Variants in MYO9A observed in about 807,000 individuals in gnomAD.
The protein encoded by MYO9A is unconventional myosin-IXa.
In MYO9A, 103 loss-of-function variants were observed where a neutral mutation model predicts 293.3. The ratio of observed to expected loss-of-function variants is 0.35; its 90% CI spans 0.30 to 0.41. The LOEUF is 0.41. Ranked by LOEUF, MYO9A falls within the 10% of genes least tolerant of loss-of-function variation. MYO9A has a pLI of 1.00. For synonymous variants in MYO9A, 1,001 were observed against 1,035.7 expected, an observed-to-expected ratio of 0.97 and a Z score of 0.64; for missense variants, 2,685 against 3,033.0, an observed-to-expected ratio of 0.89 and a Z score of 2.69.
At chr15:71,971,785 A>G (rs2076017947) in intron 12 of MYO9A, among the ~76,000 whole-genome samples, 1 of 150,136 alleles carries the variant, frequency 6.7e-6, no homozygotes, top group South Asian at 2.1e-4. Flanking sequence ...GTGATATTAT[A>G]AATAAATAAA....
chr15:72,075,430 A>G (rs910039369), intron 1 of MYO9A, among the ~76,000 whole-genome samples: 155 of 152,076 alleles, frequency 1.0e-3, no homozygotes, highest in African/African-American at 3.6e-3. Context: ...AAAATATATG[A>G]TATTATTATG....
intron 1 of MYO9A, among the ~76,000 whole-genome samples, chr15:72,087,851 G>A (rs1188151431): frequency 1.3e-5 from 2 of 151,980 alleles, no homozygotes; most frequent in African/African-American, 2.4e-5. Flanking sequence ...TACTACTGTC[G>A]TTATGTACTG....
At chr15:71,992,607 T>A (rs1370986830) in intron 10 of MYO9A, among the ~76,000 whole-genome samples, 2 of 152,106 alleles carry the variant, frequency 1.3e-5, no homozygotes, top group African/African-American at 4.8e-5. Context: ...ACCTGAAGCA[T>A]GAAAAATTAA....
chr15:71,958,180 C>A (rs1310699432), intron 14 of MYO9A, among the ~76,000 whole-genome samples: 1 of 152,234 alleles, frequency 6.6e-6, no homozygotes, highest in East Asian at 1.9e-4. Context: ...ACCTTTTCTG[C>A]CTTTCATATT....
At chr15:72,100,088 A>C (rs1327156076) in intron 1 of MYO9A, among the ~76,000 whole-genome samples, 1 of 152,020 alleles carries the variant, frequency 6.6e-6, no homozygotes, top group Non-Finnish European at 1.5e-5. Context: ...ATCTCTAAAA[A>C]AATAGAAAAA....
rs1441236424 is a variant in MYO9A at position 71,886,003 on chromosome 15, A to G, written c.5255+2001T>C. On this transcript the variant is annotated intron_variant, in intron 27 of 41. Transcript: ENST00000356056. ...TCTCTTTCATGCACCATTTGGTTTC[A>G]TGAATACAATTGTATTTGTTATGCA... is the stretch of plus-strand genomic sequence containing the variant. Among the ~76,000 whole-genome samples, 3 of 151,954 alleles carry G rather than the reference A, an allele frequency of 2.0e-5. 1 individual carries two copies. The highest frequency in any genetic ancestry group is 4.4e-5 in the Non-Finnish European group (3 of 67,974).
chr15:72,022,505 G>T (rs2077532510), intron 4 of MYO9A, among the ~76,000 whole-genome samples: 1 of 151,440 alleles, frequency 6.6e-6, no homozygotes, highest in Non-Finnish European at 1.5e-5. Context: ...TGGTGACAAG[G>T]CGAGACTCTG....
chr15:72,098,568 G>C (rs778168309), intron 1 of MYO9A, among the ~76,000 whole-genome samples: 5 of 151,998 alleles, frequency 3.3e-5, no homozygotes, highest in African/African-American at 1.2e-4. Flanking sequence ...TACTTCATGG[G>C]AAAATGTATA....
intron 11 of MYO9A, among the ~76,000 whole-genome samples, chr15:71,984,538 T>G (rs564644222): frequency 6.6e-6 from 1 of 152,338 alleles, no homozygotes; most frequent in East Asian, 1.9e-4. Flanking sequence ...TTCTAACTTA[T>G]TCTACGTCTC....
intron 1 of MYO9A, among the ~76,000 whole-genome samples, chr15:72,115,548 C>T (rs1300638250): frequency 6.6e-6 from 1 of 152,192 alleles, no homozygotes; most frequent in Non-Finnish European, 1.5e-5. Flanking sequence ...TCCGAATATC[C>T]AAGTTCAGAT....
intron 32 of MYO9A, among the ~76,000 whole-genome samples, chr15:71,873,103 G>A (rs1481956818): frequency 2.0e-5 from 3 of 151,892 alleles, no homozygotes; most frequent in Non-Finnish European, 2.9e-5. Context: ...TTTTAGTAGA[G>A]ATGGGGTTTC....
chr15:71,875,360 AGTGTGATTGTATATATT>A (rs1483430605), intron 32 of MYO9A, among the ~76,000 whole-genome samples: 11 of 152,110 alleles, frequency 7.2e-5, no homozygotes, highest in Admixed American at 2.6e-4. Flanking sequence ...AGCGTGAAAA[AGTGTGATTGTATATATT>A]GTGTGATTGT....
At chr15:72,053,781 C>T (rs1277066157) in intron 1 of MYO9A, among the ~76,000 whole-genome samples, 1 of 152,168 alleles carries the variant, frequency 6.6e-6, no homozygotes, top group African/African-American at 2.4e-5. Context: ...AAGAACCAAC[C>T]TGTACATGTA....
intron 19 of MYO9A, among the ~76,000 whole-genome samples, chr15:71,910,051 T>C (rs1044802520): frequency 2.0e-5 from 3 of 149,592 alleles, no homozygotes; most frequent in African/African-American, 7.3e-5. Context: ...AAGGAAGACA[T>C]TGTTGTAACT....
chr15:72,013,412 G>A lies in MYO9A; in HGVS notation c.1156-2965C>T, dbSNP rs142931147. 1.8e-4 allele frequency among the ~76,000 whole-genome samples: 28 copies of A among 152,300 alleles called. No individual in the cohort carries two copies. The East Asian group carries it at 5.4e-3, about 29-fold the overall frequency. On this transcript the variant is annotated intron_variant, in intron 6 of 41. Coordinates refer to ENST00000356056, the MANE Select transcript of MYO9A (RefSeq NM_006901.4). ...TTCTGGAAAAAGCCTTCAGGCCCCA[G>A]GATCCAAATACTGGTCAGCCAGAGT...
At chr15:72,011,346 T>C (rs1596375070) in intron 6 of MYO9A, among the ~76,000 whole-genome samples, 1 of 150,728 alleles carries the variant, frequency 6.6e-6, no homozygotes, top group East Asian at 1.9e-4. Flanking sequence ...CATATATAAT[T>C]ATTTATATAT....
chr15:71,899,822 T>C lies in MYO9A; in HGVS notation c.3335A>G (p.Tyr1112Cys), dbSNP rs150376690. 63 of 1,614,052 alleles carry C rather than the reference T, an allele frequency of 3.9e-5. No individual in the cohort carries two copies. The highest frequency in any genetic ancestry group is 1.6e-4 in the Middle Eastern group (1 of 6,084). The change falls in exon 24 of 42, where the codon TAT (tyrosine) becomes TGT (cysteine). Residue 1112 changes from tyrosine to cysteine, a missense_variant. Coordinates refer to ENST00000356056, the MANE Select transcript of MYO9A (RefSeq NM_006901.4). ...IVIQQKWRDYYRRRHMAAICI... is the reference protein window; with the variant it reads ...IVIQQKWRDYCRRRHMAAICI... ...AATAGCAGCCATGTGCCTGCGCCTA[T>C]AGTAATCTCTCCATTTCTGCTGGAT...
chr15:71,961,757 G>A (rs889067042), intron 13 of MYO9A, among the ~76,000 whole-genome samples: 5 of 151,842 alleles, frequency 3.3e-5, no homozygotes, highest in Admixed American at 1.3e-4. Flanking sequence ...ACAAGGTCTC[G>A]CTCTTCAATA....
chr15:71,977,974 T>C (rs946793094), intron 12 of MYO9A, among the ~76,000 whole-genome samples, 197 bp downstream of exon 12: 2 of 151,974 alleles, frequency 1.3e-5, no homozygotes, highest in African/African-American at 4.8e-5. Context: ...GAGGTGGAGG[T>C]TGCAATGAGC....
Sources: allele counts gnomAD v4.1 joint callset (sites outside exome capture counted in the v4.1 genomes callset), GRCh38; gene constraint gnomAD v4.1.1; transcripts MANE v1.5; gene names NCBI Gene and HGNC (gene_info 2026-07-23, HGNC 2026-07-21).